The following EPHA5 variants were observed in gnomAD, a reference collection of about 807,000 sequenced individuals.
The protein encoded by EPHA5 is ephrin type-A receptor 5.
A neutral mutation model predicts 105.0 loss-of-function variants in EPHA5; 60 were observed. That is an observed-to-expected ratio of 0.57 (90% CI 0.46 to 0.71). The LOEUF is 0.71. Among genes scored for constraint, EPHA5 ranks in the 30% least tolerant of loss-of-function variants. The pLI, the probability that EPHA5 is intolerant of heterozygous loss-of-function variation, is 0.00. For missense variants in EPHA5, 1,218 were observed against 1,274.7 expected (o/e 0.96, Z 0.68); for synonymous variants, 513 against 449.1 (o/e 1.14, Z -1.80).
At chr4:65,518,221 T>C (rs1734294504) in intron 3 of EPHA5, among the ~76,000 whole-genome samples, 1 of 151,978 alleles carries the variant, frequency 6.6e-6, no homozygotes, top group Non-Finnish European at 1.5e-5. Context: ...AAATTCATAT[T>C]TGTTTAAATT....
intron 5 of EPHA5, among the ~76,000 whole-genome samples, chr4:65,433,698 C>T (rs1027564481): frequency 2.0e-5 from 3 of 152,230 alleles, no homozygotes; most frequent in Middle Eastern, 3.4e-3. Context: ...AGCAGAAAAT[C>T]CATTTCTATG....
At chr4:65,580,450 C>T (rs369659814) in intron 3 of EPHA5, among the ~76,000 whole-genome samples, 386 of 151,896 alleles carry the variant, frequency 2.5e-3, no homozygotes, top group African/African-American at 9.0e-3. Flanking sequence ...TGCAGTCCTT[C>T]CAATGATGAT....
At chr4:65,338,166 C>T (rs1721363170) in intron 14 of EPHA5, among the ~76,000 whole-genome samples, 1 of 151,972 alleles carries the variant, frequency 6.6e-6, no homozygotes, top group African/African-American at 2.4e-5. Context: ...TATTTATTCT[C>T]ACTAATGATC....
chr4:65,555,653 C>T (rs1053459373), intron 3 of EPHA5, among the ~76,000 whole-genome samples: 3 of 140,820 alleles, frequency 2.1e-5, no homozygotes, highest in African/African-American at 9.7e-5. Flanking sequence ...TTTTTCGAAG[C>T]TGGGCTACTT....
At chr4:65,460,269 C>T (rs1301191187) in intron 5 of EPHA5, among the ~76,000 whole-genome samples, 2 of 151,202 alleles carry the variant, frequency 1.3e-5, no homozygotes, top group East Asian at 1.9e-4. Flanking sequence ...AGTTTCAAAA[C>T]CATATTTACA....
intron 1 of EPHA5, among the ~76,000 whole-genome samples, chr4:65,662,565 A>T (rs1032815784): frequency 6.6e-6 from 1 of 152,176 alleles, no homozygotes; most frequent in Admixed American, 6.6e-5. Context: ...TTACAGAGAA[A>T]TAGAAGGAAA....
At chr4:65,378,734 C>T (rs1307195096) in intron 8 of EPHA5, among the ~76,000 whole-genome samples, 1 of 151,880 alleles carries the variant, frequency 6.6e-6, no homozygotes, top group Non-Finnish European at 1.5e-5. Context: ...TGTTAGACTG[C>T]TAGTTTTCTG....
At chr4:65,371,681 T>C (rs979575613) in intron 8 of EPHA5, among the ~76,000 whole-genome samples, 1 of 152,042 alleles carries the variant, frequency 6.6e-6, no homozygotes, top group Admixed American at 6.6e-5. Context: ...GGCACTCTTG[T>C]GACCAATGAG....
intron 5 of EPHA5, among the ~76,000 whole-genome samples, chr4:65,447,860 G>C (rs1466621675): frequency 6.6e-6 from 1 of 151,822 alleles, no homozygotes; most frequent in Non-Finnish European, 1.5e-5. Context: ...TAATAAGAGG[G>C]AAAAGACATG....
chr4:65,596,598 T>C (rs530825301), intron 3 of EPHA5, among the ~76,000 whole-genome samples: 3 of 152,070 alleles, frequency 2.0e-5, no homozygotes, highest in Non-Finnish European at 4.4e-5. Flanking sequence ...AAAGACTATT[T>C]GAATTATTCT....
intron 3 of EPHA5, among the ~76,000 whole-genome samples, chr4:65,511,278 T>C (rs1733603594): frequency 6.6e-6 from 1 of 152,178 alleles, no homozygotes; most frequent in Non-Finnish European, 1.5e-5. Context: ...AACTAAGTTA[T>C]GTCTTTAAAA....
chr4:65,504,155 A>G (rs932830277), intron 3 of EPHA5, among the ~76,000 whole-genome samples: 1 of 151,426 alleles, frequency 6.6e-6, no homozygotes, highest in African/African-American at 2.4e-5. Context: ...TTTATCACAT[A>G]GTATCAATGA....
At chr4:65,374,591 G>C (rs535180712) in intron 8 of EPHA5, among the ~76,000 whole-genome samples, 1 of 151,764 alleles carries the variant, frequency 6.6e-6, no homozygotes, top group Admixed American at 6.6e-5. Context: ...AACGTTCTTC[G>C]GAACGCTAAA....
At chr4:65,438,251 C>A (rs897765667) in intron 5 of EPHA5, among the ~76,000 whole-genome samples, 1 of 151,814 alleles carries the variant, frequency 6.6e-6, no homozygotes, top group Non-Finnish European at 1.5e-5. Flanking sequence ...ACAAAATGTT[C>A]AATTGAAGCC....
intron 3 of EPHA5, among the ~76,000 whole-genome samples, chr4:65,527,794 A>G (rs79034162): frequency 6.6e-6 from 1 of 152,158 alleles, no homozygotes; most frequent in African/African-American, 2.4e-5. Context: ...TCACTTAGGT[A>G]TTAAGCCCGG....
chr4:65,621,819 C>T (rs369595054), intron 2 of EPHA5, among the ~76,000 whole-genome samples: 6 of 152,046 alleles, frequency 3.9e-5, no homozygotes, highest in East Asian at 1.9e-4. Flanking sequence ...TGGGTGTCTA[C>T]TACTAGGCTG....
chr4:65,613,023 C>A (rs749275878), intron 2 of EPHA5, among the ~76,000 whole-genome samples: 6 of 152,058 alleles, frequency 3.9e-5, no homozygotes, highest in Non-Finnish European at 8.8e-5. Context: ...ACATTTAAAT[C>A]TATAATCCAT....
intron 2 of EPHA5, among the ~76,000 whole-genome samples, chr4:65,609,895 C>G (rs911158229): frequency 6.6e-6 from 1 of 151,742 alleles, no homozygotes; most frequent in Non-Finnish European, 1.5e-5. Flanking sequence ...TATATATAGA[C>G]TGATTATGTA....
intron 5 of EPHA5, among the ~76,000 whole-genome samples, chr4:65,457,172 C>A: frequency 6.6e-6 from 1 of 152,104 alleles, no homozygotes; most frequent in East Asian, 1.9e-4. Context: ...AGAAAAGGAA[C>A]ATTGAGCTGC....
Sources: allele counts gnomAD v4.1 joint callset (sites outside exome capture counted in the v4.1 genomes callset), GRCh38; gene constraint gnomAD v4.1.1; transcripts MANE v1.5; gene names NCBI Gene and HGNC (gene_info 2026-07-23, HGNC 2026-07-21).